SRD5A1: variants seen among roughly 807,000 people sequenced by gnomAD.
The protein encoded by SRD5A1 is 3-oxo-5-alpha-steroid 4-dehydrogenase 1.
In SRD5A1, 22 loss-of-function variants were observed where a neutral mutation model predicts 28.2. The ratio of observed to expected loss-of-function variants is 0.78; its 90% confidence interval spans 0.56 to 1.12. SRD5A1 has a LOEUF of 1.12. Ranked by LOEUF, SRD5A1 falls within the 50% of genes most tolerant of loss-of-function variation. The pLI, the probability that SRD5A1 is intolerant of heterozygous loss-of-function variation, is 0.00. For missense variants in SRD5A1, 300 were observed against 346.7 expected (o/e 0.87, Z 1.07); for synonymous variants, 151 against 135.0 (o/e 1.12, Z -0.82).
intron 4 of SRD5A1, among the ~76,000 whole-genome samples, chr5:6,663,873 A>C (rs1455002489): frequency 6.6e-6 from 1 of 152,072 alleles, no homozygotes; most frequent in Non-Finnish European, 1.5e-5. Flanking sequence ...AAAAAAAGAA[A>C]AAAGGAAAAG....
chr5:6,658,051 G>A (rs536862523), intron 3 of SRD5A1, among the ~76,000 whole-genome samples: 56 of 152,334 alleles, frequency 3.7e-4, no homozygotes, highest in Middle Eastern at 3.4e-3. Flanking sequence ...GAGGCCAAGC[G>A]TGGTGGCTGA....
At chr5:6,649,194 A>G (rs575293143) in intron 1 of SRD5A1, among the ~76,000 whole-genome samples, 1 of 152,304 alleles carries the variant, frequency 6.6e-6, no homozygotes, top group South Asian at 2.1e-4. Context: ...GTGTGGATAC[A>G]CAGGGGGTCA....
At chr5:6,668,153 A>T in intron 4 of SRD5A1, 49 bp from the exon 5 acceptor site, 1 of 1,199,832 alleles carries the variant, frequency 8.3e-7, no homozygotes, top group Non-Finnish European at 1.2e-6. Context: ...AGCATTGGTT[A>T]AATGTCTAAG....
chr5:6,654,220 T>G (rs1579406951), intron 2 of SRD5A1, among the ~76,000 whole-genome samples: 1 of 151,610 alleles, frequency 6.6e-6, no homozygotes, highest in African/African-American at 2.4e-5. Flanking sequence ...GCCCAACTAA[T>G]TTTTTTTATT....
At chr5:6,645,513 C>A (rs1170653219) in intron 1 of SRD5A1, among the ~76,000 whole-genome samples, 2 of 152,034 alleles carry the variant, frequency 1.3e-5, no homozygotes, top group African/African-American at 4.8e-5. Context: ...GTAACACATG[C>A]CTGTAATCCC....
chr5:6,656,739 G>A lies in SRD5A1; in HGVS notation c.562+560G>A, dbSNP rs8192211. Among the ~76,000 whole-genome samples the A allele has an allele frequency of 8.1e-4, 124 of 152,172 alleles. No individual in the cohort carries two copies. In the East Asian group the frequency reaches 0.019, roughly 23 times the overall value. On this transcript the variant is annotated intron_variant, in intron 3 of 4. Transcript: ENST00000274192. ...AATCTCAAGCCATAAATTAATTTCC[G>A]TGGCCTGGGGTAGTGGTGGACTCTC...
chr5:6,646,648 T>G (rs1409623722), intron 1 of SRD5A1, among the ~76,000 whole-genome samples: 1 of 152,226 alleles, frequency 6.6e-6, no homozygotes, highest in Non-Finnish European at 1.5e-5. Flanking sequence ...TTATTGCATC[T>G]ATTTGATTCT....
At chr5:6,643,773 C>T (rs4702379) in intron 1 of SRD5A1, among the ~76,000 whole-genome samples, 28,738 of 151,994 alleles carry the variant, frequency 0.19, 3,240 homozygotes, top group East Asian at 0.48. Flanking sequence ...ACCAATGAGC[C>T]GCCCGATAAC....
At chr5:6,657,521 G>A (rs1049877332) in intron 3 of SRD5A1, among the ~76,000 whole-genome samples, 3 of 152,230 alleles carry the variant, frequency 2.0e-5, no homozygotes, top group South Asian at 2.1e-4. Context: ...CAAATTAATC[G>A]GCAAGTGTTC....
In SRD5A1 at chr5:6,672,091, A is replaced by T. The variant is rs1287967797; in HGVS notation, c.*3823A>T. On this transcript the variant is annotated 3_prime_UTR_variant, in exon 5 of 5. Coordinates refer to ENST00000274192, the MANE Select transcript of SRD5A1 (RefSeq NM_001047.4). ...CACTGACCACTGCAGGCTCCCATTT[A>T]TGATCTTGGGCCAACAGCCACCAGC... 2 of 152,192 alleles carry T rather than the reference A, an allele frequency of 1.3e-5. No homozygotes were observed. Among genetic ancestry groups the T allele is most frequent in the African/African-American group, 4.8e-5 (2 of 41,420 alleles). 9.4% of individuals were successfully genotyped at this position (152,192 alleles called of 1,614,324 possible).
At chr5:6,634,101 C>G (rs1342287978) in intron 1 of SRD5A1, among the ~76,000 whole-genome samples, 5 of 152,204 alleles carry the variant, frequency 3.3e-5, no homozygotes, top group African/African-American at 9.6e-5. Context: ...AAACAAAGGA[C>G]TGGAAGGGAG....
intron 1 of SRD5A1, among the ~76,000 whole-genome samples, chr5:6,638,593 AC>A (rs1205083481): frequency 2.0e-5 from 3 of 152,262 alleles, no homozygotes; most frequent in African/African-American, 7.2e-5. Context: ...TATGTAAGAC[AC>A]AAGACACCAT....
rs1455510965 is a variant in SRD5A1 at position 6,671,773 on chromosome 5, A to C, written c.*3505A>C. The C allele has an allele frequency of 6.6e-6, 1 of 152,306 alleles. No individual in the cohort carries two copies. 9.4% of individuals were successfully genotyped at this position (152,306 alleles called of 1,614,324 possible). On this transcript the variant is annotated 3_prime_UTR_variant, in exon 5 of 5. Transcript: ENST00000274192. Reference sequence around the variant, plus strand: ...GTGCACCAGGATCTCACAAATCACCACTAAAGAATTTACTCATGTAACCAA... The same window carrying C: ...GTGCACCAGGATCTCACAAATCACCCCTAAAGAATTTACTCATGTAACCAA...
intron 1 of SRD5A1, among the ~76,000 whole-genome samples, chr5:6,650,207 C>T (rs1301088584): frequency 6.6e-6 from 1 of 151,796 alleles, no homozygotes; most frequent in African/African-American, 2.4e-5. Context: ...AGTTCAAGAC[C>T]AGACTAGAGA....
chr5:6,671,095 T>C lies in SRD5A1; in HGVS notation c.*2827T>C, dbSNP rs1366977780. The C allele has an allele frequency of 1.3e-5, 2 of 152,220 alleles. No individual in the cohort carries two copies. The highest frequency in any genetic ancestry group is 4.8e-5 in the African/African-American group (2 of 41,452). 9.4% of individuals were successfully genotyped at this position (152,220 alleles called of 1,614,324 possible). Reference sequence around the variant, plus strand: ...GGAATTTCCACACTGTTTTCCATGGTGGCTCTAATAGTTTACATTCCCACC... The same window carrying C: ...GGAATTTCCACACTGTTTTCCATGGCGGCTCTAATAGTTTACATTCCCACC... On this transcript the variant is annotated 3_prime_UTR_variant, in exon 5 of 5. Coordinates refer to ENST00000274192, the MANE Select transcript of SRD5A1 (RefSeq NM_001047.4).
chr5:6,673,547 C>G lies in SRD5A1; in HGVS notation c.*5279C>G, dbSNP rs1739422315. Reference sequence around the variant, plus strand: ...GCAGATTCCTAAAAAGGTAAACATACTCTTACTAAACAATCTAGTAGATTT... The same window carrying G: ...GCAGATTCCTAAAAAGGTAAACATAGTCTTACTAAACAATCTAGTAGATTT... On this transcript the variant is annotated 3_prime_UTR_variant, in exon 5 of 5. Coordinates refer to ENST00000274192, the MANE Select transcript of SRD5A1 (RefSeq NM_001047.4). 6.6e-6 allele frequency: 1 copy of G among 152,194 alleles called. No homozygotes were observed. The highest frequency in any genetic ancestry group is 1.5e-5 in the Non-Finnish European group (1 of 68,036). The allele number at this position is 152,194 out of a possible 1,614,324, so 9.4% of individuals were successfully genotyped here.
chr5:6,643,319 T>G (rs1384627387), intron 1 of SRD5A1, among the ~76,000 whole-genome samples: 1 of 152,088 alleles, frequency 6.6e-6, no homozygotes, highest in African/African-American at 2.4e-5. Flanking sequence ...TAATTATTAT[T>G]TTGAGACAGG....
At chr5:6,652,866 T>G (rs1738718757) in intron 2 of SRD5A1, among the ~76,000 whole-genome samples, 1 of 112,426 alleles carries the variant, frequency 8.9e-6, no homozygotes, top group South Asian at 3.4e-4. Flanking sequence ...AGAGTGAGAC[T>G]CTGTCTCAAA....
At chr5:6,635,463 A>G (rs893526672) in intron 1 of SRD5A1, among the ~76,000 whole-genome samples, 2 of 152,190 alleles carry the variant, frequency 1.3e-5, no homozygotes, top group African/African-American at 2.4e-5. Context: ...ATTCGGTGCT[A>G]TCCTAGTCCC....
Sources: gnomAD v4.1 joint callset for allele counts (sites outside exome capture counted in the v4.1 genomes callset) on GRCh38, gnomAD v4.1.1 for gene constraint, MANE v1.5 for transcripts, NCBI Gene and HGNC (gene_info 2026-07-23, HGNC 2026-07-21) for gene names.